Variants in ALDH1B1 observed in about 807,000 individuals in gnomAD.
ALDH1B1 encodes aldehyde dehydrogenase family 1 member B1, mitochondrial.
In ALDH1B1, 19 loss-of-function variants were observed where a neutral mutation model predicts 26.2. The ratio of observed to expected loss-of-function variants is 0.72; its 90% CI spans 0.51 to 1.06. The LOEUF (loss-of-function observed/expected upper bound fraction) is 1.06. Among genes scored for constraint, ALDH1B1 ranks in the 50% least tolerant of loss-of-function variants. ALDH1B1 has a pLI of 0.00. For synonymous variants in ALDH1B1, 249 were observed against 286.0 expected (o/e 0.87, Z 1.31); for missense variants, 671 against 683.1 (o/e 0.98, Z 0.20).
At chr9:38,393,346 A>T (rs547945739) in intron 1 of ALDH1B1, among the ~76,000 whole-genome samples, 1 of 152,212 alleles carries the variant, frequency 6.6e-6, no homozygotes, top group African/African-American at 2.4e-5. Flanking sequence ...AATGGGGGTC[A>T]TCATCAACCC....
chr9:38,395,600 T>G, intron 1 of ALDH1B1, 140 bp from the exon 2 acceptor site: 1 of 1,252,616 alleles, frequency 8.0e-7, no homozygotes, highest in Non-Finnish European at 1.1e-6. Flanking sequence ...ATCAGGGCCC[T>G]CACAGCTCTT....
chr9:38,395,594 G>C (rs1010878118), intron 1 of ALDH1B1, 146 bp from the exon 2 acceptor site: 8 of 1,191,020 alleles, frequency 6.7e-6, no homozygotes, highest in African/African-American at 3.1e-5. Flanking sequence ...GAGTTCATCA[G>C]GGCCCTCACA....
rs149435349 is a variant in ALDH1B1, at chr9:38,396,262, C to A, written c.514C>A (p.Arg172=). The A allele has an allele frequency of 2.8e-5, 46 of 1,614,092 alleles. No homozygotes were observed. In the African/African-American group the frequency reaches 4.5e-4, roughly 16 times the overall value. Residue 172 remains arginine, a synonymous_variant, in exon 2 of 2, where the codon CGG becomes AGG. Coordinates refer to ENST00000377698, the MANE Select transcript of ALDH1B1 (RefSeq NM_000692.5). ...PMDGQHFCFT[R]HEPVGVCGQI... is the part of the protein sequence containing the mutation. ...GGATGGCCAGCATTTCTGCTTCACC[C>A]GGCATGAGCCCGTTGGTGTCTGTGG...
At position 38,398,526 on chromosome 9, in the gene ALDH1B1, G is replaced by C. The variant is rs961708826; in HGVS notation, c.*1224G>C. The C allele has an allele frequency of 6.4e-6, 1 of 156,176 alleles. No individual in the cohort carries two copies. The highest frequency in any genetic ancestry group is 1.5e-5 in the Non-Finnish European group (1 of 68,012). 9.7% of individuals were successfully genotyped at this position (156,176 alleles called of 1,614,324 possible). ...GATGAGGTTTCACCATTTTGGCCAG[G>C]CTGATCTTGAACTCCTGACCTCAGG... On this transcript the variant is annotated 3_prime_UTR_variant, in exon 2 of 2. Transcript: ENST00000377698.
Position 38,397,384 on chromosome 9 carries a change from C to A in ALDH1B1, c.*82C>A. On this transcript the variant is annotated 3_prime_UTR_variant, in exon 2 of 2. Coordinates refer to ENST00000377698, the MANE Select transcript of ALDH1B1 (RefSeq NM_000692.5). ...AATGCTTGCCAAGCTGTTTTAAAGC[C>A]AAGAACACCCTTTCTTTGTTCCAAA... 1 of 1,453,182 alleles carries A rather than the reference C, an allele frequency of 6.9e-7. No homozygotes were observed. The highest frequency in any genetic ancestry group is 9.1e-7 in the Non-Finnish European group (1 of 1,093,756). The allele number at this position is 1,453,182 out of a possible 1,614,324, so 90.0% of individuals were successfully genotyped here.
In ALDH1B1 at chr9:38,398,302, CTTTCTTTT is replaced by C. The variant is rs1200045023; in HGVS notation, c.*1012_*1019del. On this transcript the variant is annotated 3_prime_UTR_variant, in exon 2 of 2. Transcript: ENST00000377698. ...TTAATTATGGTATATGAATTAATTT[CTTTCTTTT>C]TTTCTTTTTTTTTTTTTTTTTTGAC... 5.4e-5 allele frequency: 8 copies of C among 147,128 alleles called. No homozygotes were observed. Among genetic ancestry groups the C allele is most frequent in the East Asian group, 4.2e-4 (2 of 4,806 alleles). 9.1% of individuals were successfully genotyped at this position (147,128 alleles called of 1,614,324 possible).
chr9:38,393,011 A>G (rs1447299793), intron 1 of ALDH1B1, among the ~76,000 whole-genome samples: 2 of 152,140 alleles, frequency 1.3e-5, no homozygotes, highest in Admixed American at 1.3e-4. Flanking sequence ...AGACGCCCCC[A>G]GACCTTACCA....
chr9:38,397,251 C>G lies in ALDH1B1; in HGVS notation c.1503C>G (p.Ala501=). ...AGCTGGGTGAGGATGGGCTTAAGGC[C>G]TACACAGAGGTAAAGACGGTCACCA... ...GRELGEDGLK[A]YTEVKTVTIK... is the part of the protein sequence containing the mutation. Residue 501 remains alanine (A), a synonymous_variant, in exon 2 of 2, where the codon GCC becomes GCG. Transcript: ENST00000377698. 6.2e-7 allele frequency: 1 copy of G among 1,614,150 alleles called. No individual in the cohort carries two copies. Among genetic ancestry groups the G allele is most frequent in the Non-Finnish European group, 8.5e-7 (1 of 1,180,022 alleles).
Position 38,395,923 on chromosome 9 carries a change from C to T in ALDH1B1, c.175C>T (p.Pro59Ser). 6.2e-7 allele frequency: 1 copy of T among 1,613,902 alleles called. No homozygotes were observed. Among genetic ancestry groups the T allele is most frequent in the Non-Finnish European group, 8.5e-7 (1 of 1,180,012 alleles). Residue 59 changes from proline to serine, a missense_variant, in exon 2 of 2, where the codon CCT becomes TCT. Coordinates refer to ENST00000377698, the MANE Select transcript of ALDH1B1 (RefSeq NM_000692.5). Reference protein sequence around the residue: ...VSKKTFPTVNPTTGEVIGHVA... With the variant: ...VSKKTFPTVNSTTGEVIGHVA... ...CAAGAAGACCTTCCCGACGGTCAAC[C>T]CTACCACCGGGGAGGTCATTGGGCA...
chr9:38,397,192 T>G lies in ALDH1B1; in HGVS notation c.1444T>G (p.Phe482Val), dbSNP rs1331315233. Reference sequence around the variant, plus strand: ...CAACATCGTCACCTGCCACACGCCATTTGGAGGGTTTAAGGAATCTGGAAA... The same window carrying G: ...CAACATCGTCACCTGCCACACGCCAGTTGGAGGGTTTAAGGAATCTGGAAA... ...TYNIVTCHTPFGGFKESGNGR... is the reference protein window; with the variant it reads ...TYNIVTCHTPVGGFKESGNGR... The change falls in exon 2 of 2, where the codon TTT (phenylalanine) becomes GTT (valine). Residue 482 changes from phenylalanine (F) to valine (V), a missense_variant. Transcript: ENST00000377698. 1.2e-6 allele frequency: 2 copies of G among 1,613,918 alleles called. No individual in the cohort carries two copies. The highest frequency in any genetic ancestry group is 1.7e-5 in the Admixed American group (1 of 60,008).
Position 38,396,214 on chromosome 9 carries a change from T to C in ALDH1B1, c.466T>C (p.Trp156Arg). ...GTACTTTGCTGGCTGGGCTGACAAG[T>C]GGCATGGCAAGACCATCCCCATGGA... ...YRYFAGWADK[W>R]HGKTIPMDGQ... The change falls in exon 2 of 2, where the codon TGG becomes CGG. Residue 156 changes from tryptophan to arginine, a missense_variant. By Grantham distance (101) the Trp-to-Arg change is moderately radical. Coordinates refer to ENST00000377698, the MANE Select transcript of ALDH1B1 (RefSeq NM_000692.5). 1 of 1,614,112 alleles carries C rather than the reference T, an allele frequency of 6.2e-7. No individual in the cohort carries two copies. Among genetic ancestry groups the C allele is most frequent in the Non-Finnish European group, 8.5e-7 (1 of 1,180,010 alleles).
At chr9:38,393,650 G>A (rs1821227879) in intron 1 of ALDH1B1, among the ~76,000 whole-genome samples, 1 of 152,096 alleles carries the variant, frequency 6.6e-6, no homozygotes, top group African/African-American at 2.4e-5. Flanking sequence ...TCAGAGCCAG[G>A]CCTGTTGGTG....
Position 38,397,084 on chromosome 9 carries a change from G to A in ALDH1B1, c.1336G>A (p.Ala446Thr). 6.2e-7 allele frequency: 1 copy of A among 1,614,204 alleles called. No individual in the cohort carries two copies. The highest frequency in any genetic ancestry group is 2.2e-5 in the East Asian group (1 of 44,882). ...RANNTRYGLAAAVFTRDLDKA... is the reference protein window; with the variant it reads ...RANNTRYGLATAVFTRDLDKA... ...CAACAACACCAGGTATGGCCTGGCT[G>A]CGGCTGTGTTCACCCGGGATCTGGA... Residue 446 changes from alanine (A) to threonine (T), a missense_variant, in exon 2 of 2, where the codon GCG becomes ACG. Coordinates refer to ENST00000377698, the MANE Select transcript of ALDH1B1 (RefSeq NM_000692.5).
rs578187783 is a variant in ALDH1B1 at position 38,396,933 on chromosome 9, T to C, written c.1185T>C (p.Gly395=). 246 of 1,614,082 alleles carry C rather than the reference T, an allele frequency of 1.5e-4. 1 individual carries two copies. In the South Asian group the frequency reaches 2.6e-3, roughly 17 times the overall value. ...LCGGERFGER[G]FFIKPTVFGG... ...GCGGAGAGCGTTTCGGGGAGCGTGGTTTCTTCATCAAGCCTACTGTCTTTG... is the reference window on the plus strand; with the variant it reads ...GCGGAGAGCGTTTCGGGGAGCGTGGCTTCTTCATCAAGCCTACTGTCTTTG... Residue 395 remains glycine (G), a synonymous_variant, in exon 2 of 2, where the codon GGT becomes GGC. Coordinates refer to ENST00000377698, the MANE Select transcript of ALDH1B1 (RefSeq NM_000692.5).
rs770604544 is a variant in ALDH1B1, at chr9:38,395,805, C to T, written c.57C>T (p.Tyr19=). ...LLSLQGRTAR[Y]SSAAALPSPI... ...GCCTCCAGGGCAGGACCGCCCGCTA[C>T]TCCTCGGCAGCAGCCCTCCCAAGCC... The change falls in exon 2 of 2, where the codon TAC becomes TAT. Residue 19 remains tyrosine (Y), a synonymous_variant. Coordinates refer to ENST00000377698, the MANE Select transcript of ALDH1B1 (RefSeq NM_000692.5). 1 of 1,612,680 alleles carries T rather than the reference C, an allele frequency of 6.2e-7. No individual in the cohort carries two copies.
In ALDH1B1 at chr9:38,395,295, C is replaced by T. The variant is rs566362440; in HGVS notation, c.-9-445C>T. On this transcript the variant is annotated intron_variant, in intron 1 of 1. Transcript: ENST00000377698. ...TCTGTAGCAGGCATACCTCTAGGCT[C>T]GGGGACGTAGCAGTGAATGGAACAG... Among the ~76,000 whole-genome samples, 34 of 152,216 alleles carry T rather than the reference C, an allele frequency of 2.2e-4. No homozygotes were observed. The South Asian group carries it at 5.2e-3, about 23-fold the overall frequency.
Position 38,398,382 on chromosome 9 carries a change from T to C in ALDH1B1, c.*1080T>C, listed in dbSNP as rs1490093590. On this transcript the variant is annotated 3_prime_UTR_variant, in exon 2 of 2. Transcript: ENST00000377698. ...CAGGCTGGAGTGCAGTGGTGTGATC[T>C]CGTCTCACTGCAACCTCCGCCTCCC... 6.5e-6 allele frequency: 1 copy of C among 154,692 alleles called. No individual in the cohort carries two copies. Among genetic ancestry groups the C allele is most frequent in the Non-Finnish European group, 1.5e-5 (1 of 67,752 alleles). The allele number at this position is 154,692 out of a possible 1,614,324, so 9.6% of individuals were successfully genotyped here.
Position 38,392,780 on chromosome 9 carries a change from C to A in ALDH1B1, c.-37C>A. ...GCCGGAACCAGAACCCAAGCGTGAT[C>A]CTGAACCGGAGCCCGAGCCTGCTGC... is the stretch of plus-strand genomic sequence containing the variant. On this transcript the variant is annotated 5_prime_UTR_variant, in exon 1 of 2. Transcript: ENST00000377698. The A allele has an allele frequency of 1.0e-6, 1 of 985,662 alleles. No individual in the cohort carries two copies. Among genetic ancestry groups the A allele is most frequent in the South Asian group, 4.7e-5 (1 of 21,290 alleles). The allele number at this position is 985,662 out of a possible 1,614,324, so 61.1% of individuals were successfully genotyped here.
At position 38,395,737 on chromosome 9, in the gene ALDH1B1, C is replaced by CAG. The variant is rs1168882789; in HGVS notation, c.-9_-8dup. On this transcript the variant is annotated splice_polypyrimidine_tract_variant and splice_region_variant and intron_variant, in intron 1 of 1. Coordinates refer to ENST00000377698, the MANE Select transcript of ALDH1B1 (RefSeq NM_000692.5). ...CACCCTGGTTTCTTTTGTCCCTCTC[C>CAG]AGAGTGTCAGCATGCTGCGCTTCCT... 3 of 1,571,772 alleles carry CAG rather than the reference C, an allele frequency of 1.9e-6. No homozygotes were observed. The highest frequency in any genetic ancestry group is 2.6e-6 in the Non-Finnish European group (3 of 1,157,204).
Sources: gnomAD v4.1 joint callset for allele counts (sites outside exome capture counted in the v4.1 genomes callset) on GRCh38, gnomAD v4.1.1 for gene constraint, MANE v1.5 for transcripts, NCBI Gene and HGNC (gene_info 2026-07-23, HGNC 2026-07-21) for gene names.